Variants in GREM1 observed in about 807,000 individuals in gnomAD.
GREM1 encodes gremlin-1.
A neutral mutation model predicts 13.1 loss-of-function variants in GREM1; 6 were observed. The observed-to-expected ratio is 0.46, with a 90% CI of 0.25 to 0.91. The LOEUF is 0.91. GREM1 is among the 40% of genes least tolerant of loss of function. GREM1 has a pLI of 0.18. For synonymous variants in GREM1, 98 were observed against 93.7 expected, an observed-to-expected ratio of 1.05 and a Z score of -0.27; for missense variants, 185 against 233.9, an observed-to-expected ratio of 0.79 and a Z score of 1.36.
At chr15:32,725,148 C>G (rs1595847146) in intron 1 of GREM1, among the ~76,000 whole-genome samples, 2 of 152,104 alleles carry the variant, frequency 1.3e-5, no homozygotes, top group South Asian at 4.1e-4. Context: ...TAGGTCTATA[C>G]CCAGTAATAG....
Position 32,741,364 on chromosome 15 carries a change from A to G in GREM1, c.*10119A>G, listed in dbSNP as rs2140770130. 1 of 152,038 alleles carries G rather than the reference A, an allele frequency of 6.6e-6. No individual in the cohort carries two copies. Among genetic ancestry groups the G allele is most frequent in the African/African-American group, 2.4e-5 (1 of 41,544 alleles). 9.4% of individuals were successfully genotyped at this position (152,038 alleles called of 1,614,324 possible). A position where few individuals can be genotyped will look rare whatever the true frequency, so the allele number is the denominator to read the frequency against. On this transcript the variant is annotated 3_prime_UTR_variant, in exon 2 of 2. Transcript: ENST00000651154. ...TGATATTGGGGAACAGTAACAGATC[A>G]AAGTACTGTAGTCTTCAGTATGCAG...
intron 1 of GREM1, among the ~76,000 whole-genome samples, chr15:32,727,089 GC>G (rs1409729680): frequency 7.2e-5 from 11 of 152,178 alleles, no homozygotes; most frequent in Non-Finnish European, 1.5e-4. Flanking sequence ...ACAAAGAGGA[GC>G]TAGTACCATT....
At position 32,736,942 on chromosome 15, in the gene GREM1, T is replaced by A. The variant is rs1039462945; in HGVS notation, c.*5697T>A. 3 of 152,212 alleles carry A rather than the reference T, an allele frequency of 2.0e-5. No individual in the cohort carries two copies. Among genetic ancestry groups the A allele is most frequent in the African/African-American group, 7.2e-5 (3 of 41,460 alleles). The allele number at this position is 152,212 out of a possible 1,614,324, so 9.4% of individuals were successfully genotyped here. A position where few individuals can be genotyped will look rare whatever the true frequency, so the allele number is the denominator to read the frequency against. ...CAAAAAGCCTCATGTGAGTAATAAA[T>A]GTTTCATACTCTCTTGGGGTGTGTG... On this transcript the variant is annotated 3_prime_UTR_variant, in exon 2 of 2. Transcript: ENST00000651154.
rs185562359 is a variant in GREM1, at chr15:32,740,331, A to G, written c.*9086A>G. ...ACAGAGAATTCAGAATAGCTCTCAT[A>G]AAGATTCTCACCAGAGTCAAGAGAA... On this transcript the variant is annotated 3_prime_UTR_variant, in exon 2 of 2. Transcript: ENST00000651154. The G allele has an allele frequency of 1.3e-5, 2 of 152,370 alleles. No homozygotes were observed. The highest frequency in any genetic ancestry group is 2.9e-5 in the Non-Finnish European group (2 of 68,038). 9.4% of individuals were successfully genotyped at this position (152,370 alleles called of 1,614,324 possible). A position where few individuals can be genotyped will look rare whatever the true frequency, so the allele number is the denominator to read the frequency against.
chr15:32,720,988 C>T (rs1208461936), intron 1 of GREM1, among the ~76,000 whole-genome samples: 1 of 152,170 alleles, frequency 6.6e-6, no homozygotes, highest in African/African-American at 2.4e-5. Flanking sequence ...AAAATCCCGT[C>T]TCTACTAAAA....
Position 32,736,003 on chromosome 15 carries a change from C to G in GREM1, c.*4758C>G, listed in dbSNP as rs1217191421. The stretch of plus-strand genomic sequence containing the variant: ...GTGATATTGTAACTTGCACTACTCT[C>G]ATCTCCCCCTCTCCAGCTCCACAAT... On this transcript the variant is annotated 3_prime_UTR_variant, in exon 2 of 2. Coordinates refer to ENST00000651154, the MANE Select transcript of GREM1 (RefSeq NM_013372.7). 4.6e-5 allele frequency: 7 copies of G among 152,224 alleles called. No homozygotes were observed. Among genetic ancestry groups the G allele is most frequent in the African/African-American group, 1.7e-4 (7 of 41,454 alleles). The allele number at this position is 152,224 out of a possible 1,614,324, so 9.4% of individuals were successfully genotyped here. A position where few individuals can be genotyped will look rare whatever the true frequency, so the allele number is the denominator to read the frequency against.
chr15:32,724,162 A>G (rs1393282485), intron 1 of GREM1, among the ~76,000 whole-genome samples: 2 of 152,280 alleles, frequency 1.3e-5, no homozygotes, highest in African/African-American at 2.4e-5. Flanking sequence ...GAAAATGCCA[A>G]GAAGGAAAAG....
Position 32,743,220 on chromosome 15 carries a change from G to C in GREM1, c.*11975G>C, listed in dbSNP as rs924978612. 3 of 152,144 alleles carry C rather than the reference G, an allele frequency of 2.0e-5. No individual in the cohort carries two copies. In the East Asian group the frequency reaches 5.8e-4, roughly 29 times the overall value. 9.4% of individuals were successfully genotyped at this position (152,144 alleles called of 1,614,324 possible). On this transcript the variant is annotated 3_prime_UTR_variant, in exon 2 of 2. Transcript: ENST00000651154. ...TATTCCTTAAGATTTGAATATAGAG[G>C]CTGGAAGAAAGATTTTTTTCTTTCT...
chr15:32,732,732 T>G lies in GREM1; in HGVS notation c.*1487T>G, dbSNP rs1199012278. On this transcript the variant is annotated 3_prime_UTR_variant, in exon 2 of 2. Coordinates refer to ENST00000651154, the MANE Select transcript of GREM1 (RefSeq NM_013372.7). ...TTACTGGTAGGCACTGTCCTCTGAT[T>G]AAACTTGGCCTACTGGCAATGGCTA... 4.3e-6 allele frequency: 1 copy of G among 234,984 alleles called. No individual in the cohort carries two copies. The highest frequency in any genetic ancestry group is 9.1e-6 in the Non-Finnish European group (1 of 110,000). The allele number at this position is 234,984 out of a possible 1,614,324, so 14.6% of individuals were successfully genotyped here. A position where few individuals can be genotyped will look rare whatever the true frequency, so the allele number is the denominator to read the frequency against.
intron 1 of GREM1, among the ~76,000 whole-genome samples, chr15:32,722,878 A>C (rs368785731): frequency 6.6e-6 from 1 of 152,238 alleles, no homozygotes; most frequent in Non-Finnish European, 1.5e-5. Context: ...GAAGAAGCTG[A>C]ACTGCATTGA....
intron 1 of GREM1, among the ~76,000 whole-genome samples, chr15:32,724,629 T>C (rs1595846616): frequency 8.6e-6 from 1 of 116,166 alleles, no homozygotes; most frequent in Non-Finnish European, 1.9e-5. Flanking sequence ...TCATAAGTGC[T>C]TTTTTTTTTT....
chr15:32,737,181 A>G lies in GREM1; in HGVS notation c.*5936A>G, dbSNP rs1246295998. 6.6e-6 allele frequency: 1 copy of G among 152,246 alleles called. No individual in the cohort carries two copies. Among genetic ancestry groups the G allele is most frequent in the Non-Finnish European group, 1.5e-5 (1 of 68,038 alleles). The allele number at this position is 152,246 out of a possible 1,614,324, so 9.4% of individuals were successfully genotyped here. A position where few individuals can be genotyped will look rare whatever the true frequency, so the allele number is the denominator to read the frequency against. ...CAATTTAGGATGTCTTAACTGATTA[A>G]TGTTAGCAAATATTTAAAGAAGAAT... On this transcript the variant is annotated 3_prime_UTR_variant, in exon 2 of 2. Transcript: ENST00000651154.
intron 1 of GREM1, among the ~76,000 whole-genome samples, chr15:32,723,984 G>A (rs1188425888): frequency 6.6e-6 from 1 of 152,152 alleles, no homozygotes; most frequent in African/African-American, 2.4e-5. Context: ...CACTGGTGAA[G>A]GCATTTTAAA....
At chr15:32,728,919 C>T (rs781482313) in intron 1 of GREM1, among the ~76,000 whole-genome samples, 3 of 152,200 alleles carry the variant, frequency 2.0e-5, no homozygotes, top group Non-Finnish European at 4.4e-5. Flanking sequence ...TGCTTATAGG[C>T]CTTGCTACTC....
intron 1 of GREM1, among the ~76,000 whole-genome samples, chr15:32,729,783 A>G (rs1219705375): frequency 6.6e-6 from 1 of 152,238 alleles, no homozygotes; most frequent in Non-Finnish European, 1.5e-5. Context: ...TTTAAATTGT[A>G]TATACACAGA....
chr15:32,718,418 C>T (rs1467199312), intron 1 of GREM1: 1 of 480,290 alleles, frequency 2.1e-6, no homozygotes, highest in African/African-American at 2.0e-5. Context: ...ATGACCCCCA[C>T]ATCCCGTTTC....
At chr15:32,726,202 T>A (rs2055500436) in intron 1 of GREM1, among the ~76,000 whole-genome samples, 1 of 152,206 alleles carries the variant, frequency 6.6e-6, no homozygotes, top group Non-Finnish European at 1.5e-5. Context: ...ATATACATTC[T>A]TCTCAGTATC....
In GREM1 at chr15:32,741,127, C is replaced by G. The variant is rs1380794933; in HGVS notation, c.*9882C>G. ...TTTTCCACATTTAATGTTTTTTGTTCACTGTGGTGTAGTAATAAATGTCTA... is the reference window on the plus strand; with the variant it reads ...TTTTCCACATTTAATGTTTTTTGTTGACTGTGGTGTAGTAATAAATGTCTA... On this transcript the variant is annotated 3_prime_UTR_variant, in exon 2 of 2. Transcript: ENST00000651154. 1 of 152,056 alleles carries G rather than the reference C, an allele frequency of 6.6e-6. No homozygotes were observed. The highest frequency in any genetic ancestry group is 2.1e-4 in the South Asian group (1 of 4,814). The allele number at this position is 152,056 out of a possible 1,614,324, so 9.4% of individuals were successfully genotyped here. A position where few individuals can be genotyped will look rare whatever the true frequency, so the allele number is the denominator to read the frequency against.
intron 1 of GREM1, among the ~76,000 whole-genome samples, chr15:32,729,369 G>T (rs1412547057): frequency 3.8e-5 from 2 of 52,534 alleles, no homozygotes; most frequent in Admixed American, 5.8e-4. Context: ...GTCCCAGGAG[G>T]AAAATCTTTT....
Sources: gnomAD v4.1 joint callset for allele counts (sites outside exome capture counted in the v4.1 genomes callset) on GRCh38, gnomAD v4.1.1 for gene constraint, MANE v1.5 for transcripts, NCBI Gene and HGNC (gene_info 2026-07-23, HGNC 2026-07-21) for gene names.